The following EPHA6 variants were observed in gnomAD, a reference collection of about 807,000 sequenced individuals.
The protein encoded by EPHA6 is EPH receptor A6.
In EPHA6, 50 loss-of-function variants were observed where a neutral mutation model predicts 112.0. The observed-to-expected ratio is 0.45, with a 90% CI of 0.36 to 0.56. The LOEUF (loss-of-function observed/expected upper bound fraction) is 0.56. Among genes scored for constraint, EPHA6 ranks in the 20% least tolerant of loss-of-function variants. EPHA6 has a pLI of 0.00. For synonymous variants in EPHA6, 529 were observed against 490.7 expected, an observed-to-expected ratio of 1.08 and a Z score of -1.03; for missense variants, 1,280 against 1,417.4, an observed-to-expected ratio of 0.90 and a Z score of 1.56.
intron 11 of EPHA6, among the ~76,000 whole-genome samples, chr3:97,555,379 G>T (rs376888627): frequency 6.6e-6 from 1 of 151,904 alleles, no homozygotes; most frequent in Non-Finnish European, 1.5e-5. Flanking sequence ...GAATAGTGCC[G>T]CAATAAACAT....
chr3:97,070,300 T>G (rs565406011), intron 3 of EPHA6, among the ~76,000 whole-genome samples: 1 of 152,292 alleles, frequency 6.6e-6, no homozygotes, highest in East Asian at 1.9e-4. Flanking sequence ...TAAATATTGC[T>G]TGATTAATGA....
intron 3 of EPHA6, among the ~76,000 whole-genome samples, chr3:97,144,169 A>G (rs868170968): frequency 2.0e-5 from 3 of 151,594 alleles, no homozygotes; most frequent in Admixed American, 6.6e-5. Context: ...GATTTTGACA[A>G]CTTTCACAGA....
At chr3:97,601,425 C>T (rs2093642576) in intron 12 of EPHA6, among the ~76,000 whole-genome samples, 1 of 152,088 alleles carries the variant, frequency 6.6e-6, no homozygotes, top group South Asian at 2.1e-4. Flanking sequence ...CACAGGATAG[C>T]ATACATGCCC....
intron 2 of EPHA6, among the ~76,000 whole-genome samples, chr3:96,889,316 C>T (rs1211174248): frequency 7.2e-5 from 11 of 152,162 alleles, no homozygotes; most frequent in Admixed American, 5.2e-4. Flanking sequence ...CAACACCCCA[C>T]TCTACAGGTA....
intron 5 of EPHA6, among the ~76,000 whole-genome samples, chr3:97,271,524 C>G (rs527582935): frequency 1.9e-4 from 29 of 152,214 alleles, no homozygotes; most frequent in African/African-American, 7.0e-4. Flanking sequence ...TACCCGGCTA[C>G]TTTTTGTATT....
In EPHA6 at chr3:97,646,234, G is replaced by A. The variant is rs142213906; in HGVS notation, c.2784+8152G>A. The A allele has an allele frequency of 1.3e-4, 192 of 1,535,366 alleles. No individual in the cohort carries two copies. In the African/African-American group the frequency reaches 1.9e-3, roughly 15 times the overall value. The stretch of plus-strand genomic sequence containing the variant: ...TATGGTACTGGACTGGTCCTCATGT[G>A]GAAGAGAAACAGAAGGGCCATGGGA... On this transcript the variant is annotated intron_variant, in intron 14 of 17. Transcript: ENST00000389672.
intron 11 of EPHA6, among the ~76,000 whole-genome samples, chr3:97,556,263 G>A (rs2093107902): frequency 6.6e-6 from 1 of 151,956 alleles, no homozygotes; most frequent in Non-Finnish European, 1.5e-5. Flanking sequence ...TGTTTCTAAA[G>A]ATCTGTGAAT....
rs574033547 is a variant in EPHA6 at position 96,873,073 on chromosome 3, A to T, written c.450+6184A>T. On this transcript the variant is annotated intron_variant, in intron 2 of 17. Transcript: ENST00000389672. ...ACCTGAGGTCAGGAGTTCGAGACCA[A>T]CCTGGCCAACATGGTGAAACCCCGT... 2.6e-5 allele frequency among the ~76,000 whole-genome samples: 4 copies of T among 151,880 alleles called. No individual in the cohort carries two copies. In the South Asian group the frequency reaches 8.3e-4, roughly 31 times the overall value.
In EPHA6 at chr3:97,753,603, C is replaced by G. The variant is rs189389817; in HGVS notation, c.*4902C>G. ...TGGATTCACTACCTCAAAGGTGCCT[C>G]CTGTTAGAAAACATTAGCTTTTTTT... On this transcript the variant is annotated 3_prime_UTR_variant, in exon 18 of 18. Transcript: ENST00000389672. 1.7e-3 allele frequency among the ~76,000 whole-genome samples: 256 copies of G among 152,208 alleles called. No homozygotes were observed. The highest frequency in any genetic ancestry group is 4.0e-3 in the Admixed American group (61 of 15,276).
intron 3 of EPHA6, chr3:97,010,111 A>G (rs1009273380): frequency 7.9e-7 from 1 of 1,264,684 alleles, no homozygotes; most frequent in Non-Finnish European, 1.0e-6. Flanking sequence ...CTAAAATATT[A>G]AACGGTTACA....
chr3:97,281,224 TG>T (rs2080276313), intron 5 of EPHA6, among the ~76,000 whole-genome samples: 1 of 146,032 alleles, frequency 6.8e-6, no homozygotes, highest in Non-Finnish European at 1.5e-5. Flanking sequence ...TGTGTGTGTG[TG>T]TGTGCGCGCG....
At chr3:97,147,200 A>G (rs569464289) in intron 3 of EPHA6, among the ~76,000 whole-genome samples, 2 of 152,192 alleles carry the variant, frequency 1.3e-5, no homozygotes, top group South Asian at 4.1e-4. Flanking sequence ...TATATTTTAC[A>G]CAGCTTTCTG....
At chr3:97,330,247 A>T (rs1207249543) in intron 5 of EPHA6, among the ~76,000 whole-genome samples, 4 of 152,182 alleles carry the variant, frequency 2.6e-5, no homozygotes, top group Non-Finnish European at 2.9e-5. Context: ...GAAGTCAGGT[A>T]GCCTGATGCC....
At chr3:97,261,942 G>A (rs2079517249) in intron 5 of EPHA6, among the ~76,000 whole-genome samples, 2 of 152,110 alleles carry the variant, frequency 1.3e-5, no homozygotes, top group Non-Finnish European at 1.5e-5. Flanking sequence ...CAAAGAGTGA[G>A]CTCTTAACCA....
intron 11 of EPHA6, among the ~76,000 whole-genome samples, chr3:97,566,916 T>C (rs1190975436): frequency 6.6e-6 from 1 of 152,196 alleles, no homozygotes; most frequent in Non-Finnish European, 1.5e-5. Flanking sequence ...GCCTGGCATG[T>C]CATAGGTCCA....
chr3:97,268,968 T>C (rs1347707263), intron 5 of EPHA6, among the ~76,000 whole-genome samples: 1 of 152,238 alleles, frequency 6.6e-6, no homozygotes, highest in East Asian at 1.9e-4. Context: ...TTTCTAACTA[T>C]ATGTTACTTA....
intron 6 of EPHA6, among the ~76,000 whole-genome samples, chr3:97,418,849 TG>T (rs531810097): frequency 1.8e-4 from 28 of 152,226 alleles, no homozygotes; most frequent in Non-Finnish European, 3.5e-4. Context: ...AAGAATAAGT[TG>T]TAAAGGAAAT....
chr3:97,662,550 T>C (rs1348267096), intron 14 of EPHA6, among the ~76,000 whole-genome samples: 1 of 152,154 alleles, frequency 6.6e-6, no homozygotes, highest in Non-Finnish European at 1.5e-5. Flanking sequence ...TCAATTCATC[T>C]CTGACAATCC....
intron 3 of EPHA6, among the ~76,000 whole-genome samples, chr3:97,067,463 T>C (rs559345124): frequency 1.1e-4 from 16 of 151,844 alleles, no homozygotes; most frequent in Middle Eastern, 3.4e-3. Context: ...GATCTGATGC[T>C]GAAAAGAGAA....
Sources: gnomAD v4.1 joint callset for allele counts (sites outside exome capture counted in the v4.1 genomes callset) on GRCh38, gnomAD v4.1.1 for gene constraint, MANE v1.5 for transcripts, NCBI Gene and HGNC (gene_info 2026-07-23, HGNC 2026-07-21) for gene names.